Variants in RGS7BP observed in about 807,000 individuals in gnomAD.
The protein encoded by RGS7BP is regulator of G protein signaling 7 binding protein.
RGS7BP carries 9 observed loss-of-function variants against 31.3 expected under a neutral mutation model. The ratio of observed to expected loss-of-function variants is 0.29; its 90% confidence interval spans 0.17 to 0.50. The LOEUF is 0.50. Among genes scored for constraint, RGS7BP ranks in the 20% least tolerant of loss-of-function variants. The pLI is 0.98. For missense variants in RGS7BP, 274 were observed against 322.0 expected (o/e 0.85, Z 1.14); for synonymous variants, 115 against 120.1 (o/e 0.96, Z 0.28).
chr5:64,581,677 C>T (rs1399187293), intron 3 of RGS7BP, among the ~76,000 whole-genome samples: 1 of 152,182 alleles, frequency 6.6e-6, no homozygotes, highest in South Asian at 2.1e-4. Flanking sequence ...TGAAGATTTT[C>T]CTTCTCTCCC....
At chr5:64,538,545 T>C (rs1741442396) in intron 2 of RGS7BP, among the ~76,000 whole-genome samples, 10 of 96,080 alleles carry the variant, frequency 1.0e-4, no homozygotes, top group East Asian at 3.1e-4. Flanking sequence ...TTTTTCCTTT[T>C]CTTTTTTTTT....
Position 64,506,444 on chromosome 5 carries a change from G to C in RGS7BP, c.-181G>C. The C allele has an allele frequency of 2.1e-6, 1 of 481,144 alleles. No homozygotes were observed. Among genetic ancestry groups the C allele is most frequent in the South Asian group, 4.1e-5 (1 of 24,184 alleles). 29.8% of individuals were successfully genotyped at this position (481,144 alleles called of 1,614,324 possible). Reference sequence around the variant, plus strand: ...GAAGCGATGCTGCACGGCACAGCTAGCGCTTCCCCGGCTCTCCTTCAAGCT... The same window carrying C: ...GAAGCGATGCTGCACGGCACAGCTACCGCTTCCCCGGCTCTCCTTCAAGCT... On this transcript the variant is annotated 5_prime_UTR_variant, in exon 1 of 6. Coordinates refer to ENST00000334025, the MANE Select transcript of RGS7BP (RefSeq NM_001029875.3). The surrounding 1 kb of genome is among the most constrained non-coding windows in gnomAD (Gnocchi z 4.6).
chr5:64,552,335 A>G (rs900396644), intron 2 of RGS7BP, among the ~76,000 whole-genome samples: 5 of 152,148 alleles, frequency 3.3e-5, no homozygotes, highest in African/African-American at 1.2e-4. Context: ...TTCCAAAGTC[A>G]GTAATATTTT....
intron 2 of RGS7BP, among the ~76,000 whole-genome samples, chr5:64,523,371 T>C (rs1210353628): frequency 6.6e-6 from 1 of 152,196 alleles, no homozygotes; most frequent in Non-Finnish European, 1.5e-5. Flanking sequence ...TAAGAGAATC[T>C]ATGAATTCAA....
chr5:64,531,352 T>A (rs59524443), intron 2 of RGS7BP, among the ~76,000 whole-genome samples: 3,441 of 152,322 alleles, frequency 0.023, 75 homozygotes, highest in African/African-American at 0.057. Context: ...TTATTCAATC[T>A]TAATTTTAAA....
intron 2 of RGS7BP, among the ~76,000 whole-genome samples, chr5:64,574,209 G>A (rs1742365308): frequency 6.6e-6 from 1 of 152,098 alleles, no homozygotes; most frequent in African/African-American, 2.4e-5. Flanking sequence ...GCAGGTCCAT[G>A]AGGGAATAGG....
At chr5:64,600,314 A>T (rs760468793) in intron 5 of RGS7BP, among the ~76,000 whole-genome samples, 2 of 152,158 alleles carry the variant, frequency 1.3e-5, no homozygotes, top group Non-Finnish European at 2.9e-5. Flanking sequence ...ATTTTAAGCC[A>T]CATCATCCTA....
chr5:64,509,973 A>G (rs987315932), intron 2 of RGS7BP, among the ~76,000 whole-genome samples: 1 of 152,198 alleles, frequency 6.6e-6, no homozygotes, highest in Non-Finnish European at 1.5e-5. Flanking sequence ...GGCTCCGTTA[A>G]TGAAGGATGT....
rs1287879096 is a variant in RGS7BP, at chr5:64,609,372, T to C, written c.*120T>C. On this transcript the variant is annotated 3_prime_UTR_variant, in exon 6 of 6. Transcript: ENST00000334025. Reference sequence around the variant, plus strand: ...GACTATGTTTTCTATGCTTCCTTATTACTTTTATCTGCCTCCCCCTGCCCT... The same window carrying C: ...GACTATGTTTTCTATGCTTCCTTATCACTTTTATCTGCCTCCCCCTGCCCT... 4.6e-6 allele frequency: 3 copies of C among 656,832 alleles called. No homozygotes were observed. Among genetic ancestry groups the C allele is most frequent in the East Asian group, 5.4e-5 (2 of 37,270 alleles). 40.7% of individuals were successfully genotyped at this position (656,832 alleles called of 1,614,324 possible). A position where few individuals can be genotyped will look rare whatever the true frequency, so the allele number is the denominator to read the frequency against.
At chr5:64,571,099 C>G (rs1409519773) in intron 2 of RGS7BP, among the ~76,000 whole-genome samples, 1 of 152,102 alleles carries the variant, frequency 6.6e-6, no homozygotes, top group Admixed American at 6.6e-5. Flanking sequence ...CCTTCTCAGT[C>G]AATTCCCCAC....
intron 3 of RGS7BP, among the ~76,000 whole-genome samples, chr5:64,582,245 A>G (rs1193574148): frequency 6.6e-6 from 1 of 152,218 alleles, no homozygotes; most frequent in Admixed American, 6.5e-5. Flanking sequence ...TGCAGGTTTC[A>G]CTCACTTCGT....
chr5:64,603,821 C>T lies in RGS7BP; in HGVS notation c.683-5340C>T, dbSNP rs187632962. Reference sequence around the variant, plus strand: ...CTTTTATAAAGAGTTGCTTACAGAGCGGTGGGAAGATGGGATTGGATGCAG... The same window carrying T: ...CTTTTATAAAGAGTTGCTTACAGAGTGGTGGGAAGATGGGATTGGATGCAG... On this transcript the variant is annotated intron_variant, in intron 5 of 5. Transcript: ENST00000334025. Among the ~76,000 whole-genome samples, 89 of 151,992 alleles carry T rather than the reference C, an allele frequency of 5.9e-4. 1 individual carries two copies. Among genetic ancestry groups the T allele is most frequent in the African/African-American group, 1.8e-3 (75 of 41,430 alleles).
Position 64,507,769 on chromosome 5 carries a change from G to A in RGS7BP, c.224G>A (p.Gly75Glu). 1 of 1,613,896 alleles carries A rather than the reference G, an allele frequency of 6.2e-7. No individual in the cohort carries two copies. The change falls in exon 2 of 6, where the codon GGG (glycine) becomes GAG (glutamate). Residue 75 changes from glycine to glutamate, a missense_variant. Around this residue, in one of 3 missense-constraint regions of RGS7BP, gnomAD observed 149 missense variants for 152.6 expected, o/e 0.98. Transcript: ENST00000334025. ...ALYRELVISI[G>E]DVSVSCPSLR... ...TACCGAGAGCTGGTCATTTCTATTG[G>A]GGATGTCTCGGTCAGCTGCCCCTCA...
intron 2 of RGS7BP, among the ~76,000 whole-genome samples, chr5:64,526,653 G>C (rs1213894454): frequency 6.6e-6 from 1 of 152,184 alleles, no homozygotes; most frequent in Non-Finnish European, 1.5e-5. Flanking sequence ...CTGTAGGACA[G>C]TTAGGGCCTG....
Position 64,575,855 on chromosome 5 carries a change from G to A in RGS7BP, c.414G>A (p.Glu138=), listed in dbSNP as rs758892879. ...GCTGCTTAGAAATGTATACCACAGA[G>A]ATGCTAAAATCCATATGTCTGCTGG... ...LQCCLEMYTT[E]MLKSICLLGS... The change falls in exon 3 of 6, where the codon GAG becomes GAA. Residue 138 remains glutamate (E), a synonymous_variant. Transcript: ENST00000334025. 1.2e-6 allele frequency: 2 copies of A among 1,613,554 alleles called. No individual in the cohort carries two copies. The highest frequency in any genetic ancestry group is 1.7e-5 in the Admixed American group (1 of 59,974).
intron 3 of RGS7BP, among the ~76,000 whole-genome samples, chr5:64,582,299 T>C (rs1742621163): frequency 6.6e-6 from 1 of 152,270 alleles, no homozygotes; most frequent in African/African-American, 2.4e-5. Flanking sequence ...TGAATGATCC[T>C]GCCATTTTGA....
At chr5:64,584,315 T>C (rs1201413719) in intron 3 of RGS7BP, among the ~76,000 whole-genome samples, 3 of 152,224 alleles carry the variant, frequency 2.0e-5, no homozygotes, top group Admixed American at 6.5e-5. Flanking sequence ...TTTAACTCCA[T>C]ATATCATCTT....
In RGS7BP at chr5:64,506,868, C is replaced by A; in HGVS notation, c.165+79C>A. The A allele has an allele frequency of 7.3e-7, 1 of 1,377,536 alleles. No individual in the cohort carries two copies. Among genetic ancestry groups the A allele is most frequent in the South Asian group, 1.4e-5 (1 of 69,602 alleles). The allele number at this position is 1,377,536 out of a possible 1,614,324, so 85.3% of individuals were successfully genotyped here. ...GGAGTCATGTATGTTAATCATTTGCCTGAGTGCCAGCCACTCCCCCACCCT... is the reference window on the plus strand; with the variant it reads ...GGAGTCATGTATGTTAATCATTTGCATGAGTGCCAGCCACTCCCCCACCCT... On this transcript the variant is annotated intron_variant, in intron 1 of 5. Transcript: ENST00000334025. This position sits in a 1 kb window ranked among gnomAD's most constrained non-coding sequence, Gnocchi z 4.6.
chr5:64,592,548 G>A lies in RGS7BP; in HGVS notation c.464-2162G>A, dbSNP rs1328970233. 2.0e-5 allele frequency among the ~76,000 whole-genome samples: 3 copies of A among 152,126 alleles called. No individual in the cohort carries two copies. In the South Asian group the frequency reaches 6.2e-4, roughly 32 times the overall value. The stretch of plus-strand genomic sequence containing the variant: ...ATTTATGGCTTTGCATGTAAAAGGT[G>A]TGATATGGAGGAGGTGGAGAGAGGA... On this transcript the variant is annotated intron_variant, in intron 3 of 5. Coordinates refer to ENST00000334025, the MANE Select transcript of RGS7BP (RefSeq NM_001029875.3).
Sources: gnomAD v4.1 joint callset for allele counts (sites outside exome capture counted in the v4.1 genomes callset) on GRCh38, gnomAD v4.1.1 for gene constraint, gnomAD v4.1.1 regional missense constraint, Gnocchi (gnomAD v3.1) non-coding constraint, MANE v1.5 for transcripts, NCBI Gene and HGNC (gene_info 2026-07-23, HGNC 2026-07-21) for gene names.